The following SLIT3 variants were observed in gnomAD, a reference collection of about 807,000 sequenced individuals.
SLIT3 encodes the protein slit homolog 3 protein.
A neutral mutation model predicts 184.0 loss-of-function variants in SLIT3; 68 were observed. The observed-to-expected ratio is 0.37, with a 90% CI of 0.30 to 0.45. SLIT3 has a LOEUF of 0.45. SLIT3 is among the 20% of genes least tolerant of loss of function. SLIT3 has a pLI of 1.00. For synonymous variants in SLIT3, 831 were observed against 828.6 expected (o/e 1.00, Z -0.05); for missense variants, 1,707 against 2,026.0 (o/e 0.84, Z 3.02).
At chr5:169,216,048 G>C (rs908823378) in intron 3 of SLIT3, among the ~76,000 whole-genome samples, 1 of 152,144 alleles carries the variant, frequency 6.6e-6, no homozygotes, top group Non-Finnish European at 1.5e-5. Context: ...CTTAAAGACA[G>C]GGCTGTGCCT....
chr5:168,965,219 A>G (rs1425063655), intron 4 of SLIT3, among the ~76,000 whole-genome samples: 5 of 152,336 alleles, frequency 3.3e-5, no homozygotes, highest in East Asian at 1.9e-4. Flanking sequence ...ATGATTATAA[A>G]TATCTATTGG....
intron 8 of SLIT3, among the ~76,000 whole-genome samples, chr5:168,809,467 C>T (rs1036802956): frequency 2.6e-4 from 39 of 152,138 alleles, no homozygotes; most frequent in African/African-American, 6.8e-4. Flanking sequence ...CCTGTTTAAA[C>T]GAAACACTTC....
intron 4 of SLIT3, among the ~76,000 whole-genome samples, chr5:169,003,650 C>T (rs1262787171): frequency 6.6e-6 from 1 of 152,182 alleles, no homozygotes; most frequent in Non-Finnish European, 1.5e-5. Flanking sequence ...TTCGTCTCAC[C>T]CATGGCCTGC....
chr5:168,872,395 G>A (rs1759556041), intron 5 of SLIT3, among the ~76,000 whole-genome samples: 1 of 152,020 alleles, frequency 6.6e-6, no homozygotes, highest in Admixed American at 6.5e-5. Context: ...GTAAACTAGG[G>A]ACTTTAGTTA....
intron 4 of SLIT3, among the ~76,000 whole-genome samples, chr5:169,009,012 G>A (rs924593589): frequency 6.6e-6 from 1 of 152,146 alleles, no homozygotes; most frequent in African/African-American, 2.4e-5. Flanking sequence ...CACACAGCTG[G>A]TCGGGCTGGG....
rs933777792 is a variant in SLIT3 at position 168,721,955 on chromosome 5, A to G, written c.2483+301T>C. 9.2e-5 allele frequency among the ~76,000 whole-genome samples: 14 copies of G among 152,308 alleles called. No individual in the cohort carries two copies. The East Asian group carries it at 2.7e-3, about 29-fold the overall frequency. On this transcript the variant is annotated intron_variant, in intron 23 of 35. Coordinates refer to ENST00000519560, the MANE Select transcript of SLIT3 (RefSeq NM_003062.4). ...ATACTAGAGGGTAGAATACAATTGC[A>G]TATCCTAATCCTCACAAAGGAGGTG...
At chr5:169,140,180 C>T (rs539012144) in intron 4 of SLIT3, among the ~76,000 whole-genome samples, 4 of 151,674 alleles carry the variant, frequency 2.6e-5, no homozygotes, top group African/African-American at 7.3e-5. Context: ...CAAAGAGCTC[C>T]GGGGCCAGGT....
chr5:168,855,444 A>G (rs1394872806), intron 5 of SLIT3, among the ~76,000 whole-genome samples: 1 of 152,242 alleles, frequency 6.6e-6, no homozygotes, highest in Non-Finnish European at 1.5e-5. Context: ...CACCATTCAC[A>G]ATAGCCAAAA....
rs144969713 is a variant in SLIT3 at position 169,064,559 on chromosome 5, A to C, written c.413+128920T>G. 2.5e-4 allele frequency among the ~76,000 whole-genome samples: 38 copies of C among 152,358 alleles called. 1 individual carries two copies. The East Asian group carries it at 7.1e-3, about 29-fold the overall frequency. On this transcript the variant is annotated intron_variant, in intron 4 of 35. Transcript: ENST00000519560. ...AGGTTACATAGCTGGAAACTAACAG[A>C]GCCAAAATTTGAACCCAGGTTCTTC...
At chr5:169,130,176 G>A (rs1761246212) in intron 4 of SLIT3, among the ~76,000 whole-genome samples, 2 of 152,124 alleles carry the variant, frequency 1.3e-5, no homozygotes, top group African/African-American at 2.4e-5. Context: ...ATGTACCATA[G>A]TAATGTAAGA....
intron 12 of SLIT3, among the ~76,000 whole-genome samples, chr5:168,777,848 G>A (rs535952666): frequency 4.7e-4 from 71 of 152,320 alleles, no homozygotes; most frequent in African/African-American, 1.4e-3. Context: ...CTTTCCTTTG[G>A]GAGGAAGGCT....
chr5:169,082,598 C>T (rs1759115133), intron 4 of SLIT3, among the ~76,000 whole-genome samples: 1 of 152,184 alleles, frequency 6.6e-6, no homozygotes, highest in Non-Finnish European at 1.5e-5. Context: ...CTCTCTTTCT[C>T]TACCTACCTA....
At chr5:168,951,199 G>A (rs573817600) in intron 4 of SLIT3, among the ~76,000 whole-genome samples, 2 of 152,298 alleles carry the variant, frequency 1.3e-5, no homozygotes, top group East Asian at 1.9e-4. Flanking sequence ...CAGCCTGGGC[G>A]ACAGAGCAAG....
At chr5:169,186,495 G>C (rs1490770117) in intron 4 of SLIT3, among the ~76,000 whole-genome samples, 4 of 152,204 alleles carry the variant, frequency 2.6e-5, no homozygotes, top group Non-Finnish European at 5.9e-5. Context: ...TATTATAGGA[G>C]CTATGATTAG....
intron 4 of SLIT3, among the ~76,000 whole-genome samples, chr5:169,065,606 G>A (rs531045344): frequency 5.3e-4 from 80 of 152,282 alleles, no homozygotes; most frequent in Non-Finnish European, 1.0e-3. Context: ...CCTGCTCATT[G>A]CTAAGGAATG....
At chr5:168,964,001 G>A (rs1450514926) in intron 4 of SLIT3, among the ~76,000 whole-genome samples, 1 of 152,202 alleles carries the variant, frequency 6.6e-6, no homozygotes, top group Non-Finnish European at 1.5e-5. Flanking sequence ...GAGGCCACGA[G>A]GAGTTGTCCC....
At chr5:168,691,156 C>T (rs1238152309) in intron 29 of SLIT3, among the ~76,000 whole-genome samples, 4 of 152,162 alleles carry the variant, frequency 2.6e-5, no homozygotes. Flanking sequence ...ATGGCAAGGG[C>T]CTTGAGGAGA....
At chr5:168,872,500 G>A (rs1759561189) in intron 5 of SLIT3, among the ~76,000 whole-genome samples, 1 of 151,832 alleles carries the variant, frequency 6.6e-6, no homozygotes, top group African/African-American at 2.4e-5. Flanking sequence ...GTGTGTTGGG[G>A]GTATATGGAA....
In SLIT3 at chr5:168,988,087, C is replaced by T. The variant is rs147013062; in HGVS notation, c.414-104751G>A. ...TTAGAAACCTCCCTAGGCTGGGCTT[C>T]GCCATCCTGCACCTGTATTAAGGTG... On this transcript the variant is annotated intron_variant, in intron 4 of 35. Transcript: ENST00000519560. 2.1e-4 allele frequency among the ~76,000 whole-genome samples: 32 copies of T among 152,324 alleles called. 1 individual carries two copies. In the East Asian group the frequency reaches 5.0e-3, roughly 24 times the overall value.
Sources: gnomAD v4.1 joint callset for allele counts (sites outside exome capture counted in the v4.1 genomes callset) on GRCh38, gnomAD v4.1.1 for gene constraint, MANE v1.5 for transcripts, NCBI Gene and HGNC (gene_info 2026-07-23, HGNC 2026-07-21) for gene names.